The following RALA variants were observed in gnomAD, a reference collection of about 807,000 sequenced individuals.
RALA encodes ras-related protein Ral-A.
A neutral mutation model predicts 24.0 loss-of-function variants in RALA; 5 were observed. The observed-to-expected ratio is 0.21, with a 90% CI of 0.11 to 0.44. The LOEUF is 0.44. Ranked by LOEUF, RALA falls within the 20% of genes least tolerant of loss-of-function variation. The pLI, the probability that RALA is intolerant of heterozygous loss-of-function variation, is 0.99. For missense variants in RALA, 95 were observed against 241.2 expected (o/e 0.39, Z 4.01); for synonymous variants, 77 against 83.8 (o/e 0.92, Z 0.44).
intron 1 of RALA, among the ~76,000 whole-genome samples, chr7:39,640,212 AT>A (rs765514534): frequency 7.2e-4 from 110 of 152,226 alleles, no homozygotes; most frequent in Non-Finnish European, 2.4e-4. Context: ...CTCCTGGCTA[AT>A]TTTTGTAGAA....
intron 1 of RALA, among the ~76,000 whole-genome samples, chr7:39,654,589 A>G (rs1281212719): frequency 6.6e-6 from 1 of 152,204 alleles, no homozygotes; most frequent in Non-Finnish European, 1.5e-5. Context: ...TGCATTTGAC[A>G]TTGTATCTAG....
chr7:39,700,843 A>C (rs1290791122), intron 4 of RALA: 1 of 152,254 alleles, frequency 6.6e-6, no homozygotes, highest in African/African-American at 2.4e-5. Context: ...GTACTGCTAC[A>C]TCCTGCGGAG....
At chr7:39,652,344 C>A (rs1346271941) in intron 1 of RALA, among the ~76,000 whole-genome samples, 1 of 152,160 alleles carries the variant, frequency 6.6e-6, no homozygotes, top group Non-Finnish European at 1.5e-5. Context: ...AATAGCCATT[C>A]CCCACCCCAT....
intron 4 of RALA, among the ~76,000 whole-genome samples, chr7:39,698,739 A>T (rs1255962752): frequency 1.3e-5 from 2 of 152,172 alleles, no homozygotes; most frequent in African/African-American, 4.8e-5. Context: ...CTATATTGTA[A>T]CAGTCCTTGT....
chr7:39,630,009 G>A lies in RALA; in HGVS notation c.-38+6184G>A, dbSNP rs148337007. ...CTCCCCAAGTGCTAGGATTACAGGC[G>A]TGAGCCACCATGCCGAGCTTTCTTT... On this transcript the variant is annotated intron_variant, in intron 1 of 4. Coordinates refer to ENST00000005257, the MANE Select transcript of RALA (RefSeq NM_005402.4). Among the ~76,000 whole-genome samples the A allele has an allele frequency of 8.0e-4, 121 of 152,136 alleles. 1 individual carries two copies. The highest frequency in any genetic ancestry group is 2.7e-3 in the African/African-American group (114 of 41,520).
intron 4 of RALA, among the ~76,000 whole-genome samples, chr7:39,701,379 C>T (rs867216999): frequency 1.3e-5 from 2 of 152,004 alleles, no homozygotes; most frequent in Admixed American, 1.3e-4. Context: ...GGTGTGGTGG[C>T]GAATGTCTGT....
intron 2 of RALA, among the ~76,000 whole-genome samples, chr7:39,689,529 A>G (rs1792777674): frequency 6.6e-6 from 1 of 152,226 alleles, no homozygotes; most frequent in South Asian, 2.1e-4. Flanking sequence ...GTCATAGCAA[A>G]TAAATAAGAA....
chr7:39,644,173 C>G (rs4723887), intron 1 of RALA, among the ~76,000 whole-genome samples: 105,622 of 151,778 alleles, frequency 0.7, 37,331 homozygotes, highest in African/African-American at 0.82. Context: ...GTTTCTTATT[C>G]ATTATGGTCT....
intron 1 of RALA, among the ~76,000 whole-genome samples, chr7:39,653,612 G>GAAT (rs1792053378): frequency 6.6e-6 from 1 of 152,072 alleles, no homozygotes; most frequent in Non-Finnish European, 1.5e-5. Flanking sequence ...AATTTATTTA[G>GAAT]AATTTATTTA....
intron 1 of RALA, among the ~76,000 whole-genome samples, chr7:39,671,323 A>T (rs1165074941): frequency 6.6e-6 from 1 of 152,038 alleles, no homozygotes; most frequent in Admixed American, 6.6e-5. Context: ...TAATTTGCTA[A>T]TGCTTTGTCT....
At chr7:39,693,782 G>A (rs1331800652) in intron 3 of RALA, among the ~76,000 whole-genome samples, 2 of 152,162 alleles carry the variant, frequency 1.3e-5, no homozygotes, top group East Asian at 1.9e-4. Flanking sequence ...AGTGCTGTAC[G>A]TCTTAGCCTG....
At chr7:39,690,615 C>G (rs1439675527) in intron 3 of RALA, 25 bp downstream of exon 3, 1 of 1,541,146 alleles carries the variant, frequency 6.5e-7, no homozygotes, top group Non-Finnish European at 8.9e-7. Context: ...AATGTTGTTG[C>G]TTGTGACATA....
chr7:39,693,581 A>AC (rs1455297338), intron 3 of RALA, among the ~76,000 whole-genome samples: 1 of 152,184 alleles, frequency 6.6e-6, no homozygotes. Flanking sequence ...AAAAAGAAAA[A>AC]AGAACAGCAT....
At chr7:39,671,922 G>A (rs990286109) in intron 1 of RALA, among the ~76,000 whole-genome samples, 5 of 152,030 alleles carry the variant, frequency 3.3e-5, no homozygotes, top group African/African-American at 1.2e-4. Flanking sequence ...AAAATGGAGG[G>A]TTTAACTATT....
chr7:39,660,127 C>A (rs1335709522), intron 1 of RALA, among the ~76,000 whole-genome samples: 1 of 152,006 alleles, frequency 6.6e-6, no homozygotes, highest in Non-Finnish European at 1.5e-5. Context: ...AGGCAGATCA[C>A]AAGGTCAGGA....
chr7:39,689,271 G>A (rs111351828), intron 2 of RALA, among the ~76,000 whole-genome samples: 1 of 152,272 alleles, frequency 6.6e-6, no homozygotes, highest in African/African-American at 2.4e-5. Flanking sequence ...GGCATTACAG[G>A]CATGAGCCAC....
At chr7:39,633,820 G>A (rs531737925) in intron 1 of RALA, among the ~76,000 whole-genome samples, 1 of 152,260 alleles carries the variant, frequency 6.6e-6, no homozygotes, top group African/African-American at 2.4e-5. Context: ...TCAGGTGTTG[G>A]CCCAGCATCC....
At position 39,686,746 on chromosome 7, in the gene RALA, A is replaced by G; in HGVS notation, c.79A>G (p.Lys27Glu). ...VIMVGSGGVGKSALTLQFMYD... is the reference protein window; with the variant it reads ...VIMVGSGGVGESALTLQFMYD... ...CATGGTGGGCAGTGGTGGCGTGGGC[A>G]AGTCAGCTCTGACTCTACAGTTCAT... Residue 27 changes from lysine to glutamate, a missense_variant, in exon 2 of 5, where the codon AAG becomes GAG. Physicochemically the swap from Lys to Glu is moderately conservative, Grantham distance 56. Transcript: ENST00000005257. 6.2e-7 allele frequency: 1 copy of G among 1,614,076 alleles called. No individual in the cohort carries two copies. Among genetic ancestry groups the G allele is most frequent in the Non-Finnish European group, 8.5e-7 (1 of 1,179,960 alleles).
chr7:39,628,209 G>T (rs1200326642), intron 1 of RALA, among the ~76,000 whole-genome samples: 1 of 151,606 alleles, frequency 6.6e-6, no homozygotes, highest in Non-Finnish European at 1.5e-5. Flanking sequence ...TCTCTCTCTG[G>T]ATCCCATCCC....
Sources: allele counts gnomAD v4.1 joint callset (sites outside exome capture counted in the v4.1 genomes callset), GRCh38; gene constraint gnomAD v4.1.1; transcripts MANE v1.5; gene names NCBI Gene and HGNC (gene_info 2026-07-23, HGNC 2026-07-21).